Variants in GRIN2A observed in about 807,000 individuals in gnomAD.
The protein encoded by GRIN2A is glutamate receptor ionotropic, NMDA 2A.
In GRIN2A, 22 loss-of-function variants were observed where a neutral mutation model predicts 113.4. The ratio of observed to expected loss-of-function variants is 0.19; its 90% CI spans 0.14 to 0.28. The LOEUF (loss-of-function observed/expected upper bound fraction) is 0.28, where lower values mean the gene tolerates loss of function less well. Ranked by LOEUF, GRIN2A falls within the 10% of genes least tolerant of loss-of-function variation. The pLI is 1.00. For missense variants in GRIN2A, 1,502 were observed against 1,887.0 expected, an observed-to-expected ratio of 0.80 and a Z score of 3.78; for synonymous variants, 827 against 738.4, an observed-to-expected ratio of 1.12 and a Z score of -1.94.
chr16:9,933,861 A>T (rs924658353), intron 3 of GRIN2A, among the ~76,000 whole-genome samples: 1 of 152,256 alleles, frequency 6.6e-6, no homozygotes, highest in Admixed American at 6.5e-5. Context: ...TTTTGAAAAC[A>T]TAAGGTTGAG....
At chr16:9,807,346 G>T (rs2041998308) in intron 10 of GRIN2A, among the ~76,000 whole-genome samples, 1 of 32,820 alleles carries the variant, frequency 3.0e-5, no homozygotes, top group Non-Finnish European at 5.8e-5. Flanking sequence ...AGGAAGGGTG[G>T]AGGGGGAGAG....
At chr16:9,948,514 G>A (rs1004124596) in intron 2 of GRIN2A, among the ~76,000 whole-genome samples, 4 of 152,204 alleles carry the variant, frequency 2.6e-5, no homozygotes, top group Non-Finnish European at 4.4e-5. Context: ...AGGGGTCCTG[G>A]TGCCAGGTGA....
chr16:9,769,826 C>A (rs1360211412), intron 11 of GRIN2A, among the ~76,000 whole-genome samples: 1 of 152,178 alleles, frequency 6.6e-6, no homozygotes, highest in Non-Finnish European at 1.5e-5. Flanking sequence ...CTGTGGCAAT[C>A]CTCAAATATG....
chr16:10,065,646 G>A (rs557426781), intron 2 of GRIN2A, among the ~76,000 whole-genome samples: 149 of 152,284 alleles, frequency 9.8e-4, no homozygotes, highest in South Asian at 2.9e-3. Context: ...ATGGATGAAG[G>A]GCATCTAGCA....
At chr16:10,027,080 T>A (rs529526530) in intron 2 of GRIN2A, among the ~76,000 whole-genome samples, 1 of 152,360 alleles carries the variant, frequency 6.6e-6, no homozygotes, top group Non-Finnish European at 1.5e-5. Context: ...ATGTTTCTGT[T>A]GGCCTCTCCT....
intron 10 of GRIN2A, 86 bp downstream of exon 10, chr16:9,822,178 G>T: frequency 7.6e-6 from 10 of 1,321,696 alleles, no homozygotes; most frequent in Non-Finnish European, 1.1e-5. Context: ...AATGGGAGCA[G>T]ATAGGAACTG....
At chr16:9,906,450 T>G (rs766603243) in intron 3 of GRIN2A, among the ~76,000 whole-genome samples, 21 of 152,118 alleles carry the variant, frequency 1.4e-4, no homozygotes, top group Non-Finnish European at 1.8e-4. Flanking sequence ...TAATAGATCT[T>G]CCCCCACGAA....
intron 2 of GRIN2A, among the ~76,000 whole-genome samples, chr16:10,077,730 A>C (rs2047901814): frequency 6.6e-6 from 1 of 152,102 alleles, no homozygotes. Context: ...ATGCTTCTGA[A>C]ACACACTGGA....
In GRIN2A at chr16:9,975,208, T is replaced by A. The variant is rs181111928; in HGVS notation, c.415-36657A>T. On this transcript the variant is annotated intron_variant, in intron 2 of 12. Coordinates refer to ENST00000330684, the MANE Select transcript of GRIN2A (RefSeq NM_001134407.3). ...CTCTAAAAATCCATAAAAAGGCAGA[T>A]ATAATGGGCAAAATGGATCCCCCAA... 2.1e-4 allele frequency among the ~76,000 whole-genome samples: 32 copies of A among 152,218 alleles called. No homozygotes were observed. The East Asian group carries it at 6.2e-3, about 29-fold the overall frequency.
At chr16:10,001,060 A>C (rs2141842469) in intron 2 of GRIN2A, among the ~76,000 whole-genome samples, 1 of 152,310 alleles carries the variant, frequency 6.6e-6, no homozygotes, top group South Asian at 2.1e-4. Flanking sequence ...GAAAAGCAGC[A>C]TACTGAGGTC....
At chr16:9,819,266 T>TTTAGG (rs2042238168) in intron 10 of GRIN2A, among the ~76,000 whole-genome samples, 1 of 152,198 alleles carries the variant, frequency 6.6e-6, no homozygotes, top group African/African-American at 2.4e-5. Context: ...ACTCCTGTAA[T>TTTAGG]CCCAGCACTT....
chr16:9,787,194 A>G (rs1902283032), intron 11 of GRIN2A, among the ~76,000 whole-genome samples: 1 of 151,914 alleles, frequency 6.6e-6, no homozygotes, highest in African/African-American at 2.4e-5. Context: ...AATCTTGAAG[A>G]GACTATCTGA....
At chr16:10,012,106 A>C (rs1209987090) in intron 2 of GRIN2A, among the ~76,000 whole-genome samples, 1 of 152,208 alleles carries the variant, frequency 6.6e-6, no homozygotes, top group Non-Finnish European at 1.5e-5. Flanking sequence ...GGTCATTTCT[A>C]TAATAACATC....
At position 9,777,247 on chromosome 16, in the gene GRIN2A, A is replaced by G. The variant is rs183210188; in HGVS notation, c.2357-8158T>C. Among the ~76,000 whole-genome samples, 379 of 152,300 alleles carry G rather than the reference A, an allele frequency of 2.5e-3. 2 individuals are homozygous for G. Among genetic ancestry groups the G allele is most frequent in the Admixed American group, 4.0e-3 (61 of 15,308 alleles). ...TAAAAACTCTCAAAAGGACAAAACA[A>G]AGGCCCAATAAATCTGACAAATAAG... On this transcript the variant is annotated intron_variant, in intron 11 of 12. Transcript: ENST00000330684.
At chr16:9,989,184 T>C (rs1027366274) in intron 2 of GRIN2A, among the ~76,000 whole-genome samples, 18 of 152,234 alleles carry the variant, frequency 1.2e-4, no homozygotes, top group African/African-American at 3.9e-4. Context: ...ATGGTACTGG[T>C]AAAAGACACA....
chr16:10,137,166 T>G (rs1208287349), intron 2 of GRIN2A, among the ~76,000 whole-genome samples: 1 of 152,126 alleles, frequency 6.6e-6, no homozygotes, highest in African/African-American at 2.4e-5. Flanking sequence ...TCGGAGGGGT[T>G]CACAGTGAGC....
chr16:9,776,278 ATTTT>A (rs34371083), intron 11 of GRIN2A, among the ~76,000 whole-genome samples: 9 of 129,654 alleles, frequency 6.9e-5, no homozygotes, highest in Admixed American at 3.1e-4. Flanking sequence ...AACATCCTGG[ATTTT>A]TTTTTTTTTT....
At chr16:10,132,852 G>A (rs1225689663) in intron 2 of GRIN2A, among the ~76,000 whole-genome samples, 1 of 152,240 alleles carries the variant, frequency 6.6e-6, no homozygotes, top group African/African-American at 2.4e-5. Flanking sequence ...GATGTAAAAT[G>A]TATTAAAGTC....
intron 3 of GRIN2A, among the ~76,000 whole-genome samples, chr16:9,895,294 T>C (rs1043266004): frequency 6.6e-6 from 1 of 152,162 alleles, no homozygotes; most frequent in Non-Finnish European, 1.5e-5. Context: ...GAAGGAAAAG[T>C]TGAGCAGCTC....
Sources: allele counts gnomAD v4.1 joint callset (sites outside exome capture counted in the v4.1 genomes callset), GRCh38; gene constraint gnomAD v4.1.1; transcripts MANE v1.5; gene names NCBI Gene and HGNC (gene_info 2026-07-23, HGNC 2026-07-21).